GIT1: variants seen among roughly 807,000 people sequenced by gnomAD.
The protein encoded by GIT1 is ARF GTPase-activating protein GIT1.
In GIT1, 14 loss-of-function variants were observed where a neutral mutation model predicts 91.7. The ratio of observed to expected loss-of-function variants is 0.15; its 90% CI spans 0.10 to 0.24. The LOEUF is 0.24. GIT1 is among the 10% of genes least tolerant of loss of function. GIT1 has a pLI of 1.00. For missense variants in GIT1, 717 were observed against 1,024.9 expected, an observed-to-expected ratio of 0.70 and a Z score of 4.10; for synonymous variants, 414 against 418.2, an observed-to-expected ratio of 0.99 and a Z score of 0.12.
At chr17:29,578,264 T>C in intron 9 of GIT1, 35 bp downstream of exon 9, 3 of 1,563,220 alleles carry the variant, frequency 1.9e-6, no homozygotes, top group Non-Finnish European at 2.6e-6. Context: ...GCCGCTCGGG[T>C]CCTCCACGCC....
rs771739398 is a variant in GIT1 at position 29,575,736 on chromosome 17, G to A, written c.1753-33C>T. ...GCGGAGGGAAGGGGCTGTGAGCGCC[G>A]TGTTCCTGGACCCACACTGCCCCTA... On this transcript the variant is annotated intron_variant, in intron 16 of 19. Coordinates refer to ENST00000225394, the MANE Select transcript of GIT1 (RefSeq NM_014030.4). The surrounding 1 kb of genome is among the most constrained non-coding windows in gnomAD (Gnocchi z 5.5). 9.9e-6 allele frequency: 16 copies of A among 1,610,380 alleles called. No homozygotes were observed. The highest frequency in any genetic ancestry group is 6.7e-5 in the Admixed American group (4 of 59,990).
chr17:29,585,452 C>A (rs146705997), intron 1 of GIT1, among the ~76,000 whole-genome samples: 1,686 of 152,288 alleles, frequency 0.011, 18 homozygotes, highest in Non-Finnish European at 0.015. Context: ...GGCTCCAGAG[C>A]CCTAAGCCAT....
intron 7 of GIT1, 36 bp from the exon 8 acceptor site, chr17:29,578,815 G>C: frequency 6.2e-7 from 1 of 1,602,636 alleles, no homozygotes; most frequent in Non-Finnish European, 8.6e-7. Flanking sequence ...GGGAGGAGAG[G>C]AGAGACCTGA....
chr17:29,582,434 G>T (rs2033432976), intron 4 of GIT1, among the ~76,000 whole-genome samples: 1 of 152,242 alleles, frequency 6.6e-6, no homozygotes, highest in African/African-American at 2.4e-5. Context: ...GAGGCTATGA[G>T]TGGCTAAGCA....
chr17:29,574,575 G>T lies in GIT1; in HGVS notation c.*127C>A. On this transcript the variant is annotated 3_prime_UTR_variant, in exon 20 of 20. Transcript: ENST00000225394. ...TGGGCACCAGGGCACCTGGCTGCCA[G>T]GGAGTGTGGCAGCACTAAGGGCACT... 1.2e-6 allele frequency: 1 copy of T among 841,428 alleles called. No homozygotes were observed. The highest frequency in any genetic ancestry group is 2.0e-6 in the Non-Finnish European group (1 of 502,800). The allele number at this position is 841,428 out of a possible 1,614,324, so 52.1% of individuals were successfully genotyped here. A position where few individuals can be genotyped will look rare whatever the true frequency, so the allele number is the denominator to read the frequency against.
Position 29,581,486 on chromosome 17 carries a change from G to C in GIT1, c.719-106C>G, listed in dbSNP as rs1285632074. 2 of 938,892 alleles carry C rather than the reference G, an allele frequency of 2.1e-6. No homozygotes were observed. The highest frequency in any genetic ancestry group is 3.5e-6 in the Non-Finnish European group (2 of 577,142). The allele number at this position is 938,892 out of a possible 1,614,324, so 58.2% of individuals were successfully genotyped here. A position where few individuals can be genotyped will look rare whatever the true frequency, so the allele number is the denominator to read the frequency against. ...CAGGGCTGGCACCCAGAAGTGTCAG[G>C]GGAAAGTGGGGAGGGCAGGCCACCC... On this transcript the variant is annotated intron_variant, in intron 6 of 19. Coordinates refer to ENST00000225394, the MANE Select transcript of GIT1 (RefSeq NM_014030.4). This position sits in a 1 kb window ranked among gnomAD's most constrained non-coding sequence, Gnocchi z 4.8.
chr17:29,581,760 G>A lies in GIT1; in HGVS notation c.700C>T (p.Leu234Phe). Residue 234 changes from leucine to phenylalanine, a missense_variant, in exon 6 of 20, where the codon CTC (leucine) becomes TTC (phenylalanine). Physicochemically the swap from Leu to Phe is conservative, Grantham distance 22 (BLOSUM62 0). Coordinates refer to ENST00000225394, the MANE Select transcript of GIT1 (RefSeq NM_014030.4). The surrounding 1 kb of genome is among the most constrained non-coding windows in gnomAD (Gnocchi z 4.8). ...TGCTCACCCGGCTTGCGTCCACAGA[G>A]GTAGAAGGCCAGCCGGTCAGTGAGC... is the stretch of plus-strand genomic sequence containing the variant. ...YELTDRLAFY[L>F]CGRKPDHKNG... The A allele has an allele frequency of 1.2e-6, 2 of 1,611,068 alleles. No individual in the cohort carries two copies. Among genetic ancestry groups the A allele is most frequent in the Non-Finnish European group, 1.7e-6 (2 of 1,179,750 alleles).
intron 12 of GIT1, 77 bp from the exon 13 acceptor site, chr17:29,576,751 A>G (rs1474293168): frequency 1.9e-6 from 3 of 1,592,482 alleles, no homozygotes; most frequent in African/African-American, 2.7e-5. Context: ...TATTGAGGCT[A>G]GGAGCAGCCC....
Position 29,574,827 on chromosome 17 carries a change from G to C in GIT1, c.2161C>G (p.Pro721Ala). The change falls in exon 20 of 20, where the codon CCC becomes GCC. Residue 721 changes from proline to alanine, a missense_variant. Physicochemically the swap from Pro to Ala is conservative, Grantham distance 27 (BLOSUM62 -1). This residue lies in a region of GIT1 where 134 missense variants were observed against 223.8 expected (regional missense o/e 0.60). Coordinates refer to ENST00000225394, the MANE Select transcript of GIT1 (RefSeq NM_014030.4). ...RLQSECRKTV[P>A]PEPGAPVDFQ... is the part of the protein sequence containing the mutation. ...TCCACTGGGGCGCCGGGCTCTGGGG[G>C]CACTGTCTTCCGGCACTCACTCTGC... 6.2e-7 allele frequency: 1 copy of C among 1,609,338 alleles called. No homozygotes were observed. The highest frequency in any genetic ancestry group is 8.5e-7 in the Non-Finnish European group (1 of 1,179,294).
chr17:29,577,228 C>T lies in GIT1; in HGVS notation c.1001G>A (p.Arg334His), dbSNP rs753010418. 3 of 1,613,804 alleles carry T rather than the reference C, an allele frequency of 1.9e-6. No homozygotes were observed. The highest frequency in any genetic ancestry group is 2.2e-5 in the East Asian group (1 of 44,882). Residue 334 changes from arginine to histidine, a missense_variant, in exon 11 of 20, where the codon CGC (arginine) becomes CAC (histidine). Arg to His is a conservative substitution (Grantham distance 29). Coordinates refer to ENST00000225394, the MANE Select transcript of GIT1 (RefSeq NM_014030.4). ...TRNQGRQKLA[R>H]FNAREFATLI... ...GGTGGCAAACTCTCGGGCATTAAAGCGGGCCAGCTTTTGTCGCCCCTGCAA... is the reference window on the plus strand; with the variant it reads ...GGTGGCAAACTCTCGGGCATTAAAGTGGGCCAGCTTTTGTCGCCCCTGCAA...
Position 29,576,592 on chromosome 17 carries a change from T to G in GIT1, c.1310A>C (p.Glu437Ala). The part of the protein sequence containing the change: ...LELKKALATS[E>A]AKVQQLMKVN... ...CTTCATGAGCTGCTGCACCTTTGCC[T>G]CCGATGTAGCCAGGGCCTTCTTCAG... Residue 437 changes from glutamate to alanine, a missense_variant, in exon 13 of 20, where the codon GAG (glutamate) becomes GCG (alanine). By Grantham distance (107) the Glu-to-Ala change is moderately radical. Around this residue, in one of 3 missense-constraint regions of GIT1, gnomAD observed 312 missense variants for 349.5 expected, o/e 0.89. Coordinates refer to ENST00000225394, the MANE Select transcript of GIT1 (RefSeq NM_014030.4). 6.2e-7 allele frequency: 1 copy of G among 1,614,070 alleles called. No homozygotes were observed. Among genetic ancestry groups the G allele is most frequent in the South Asian group, 1.1e-5 (1 of 91,088 alleles).
chr17:29,579,022 A>G, intron 7 of GIT1: 1 of 1,610,454 alleles, frequency 6.2e-7, no homozygotes, highest in Non-Finnish European at 8.5e-7. Flanking sequence ...AGGGAAGAAC[A>G]GGACAGAGGC....
Position 29,575,943 on chromosome 17 carries a change from C to A in GIT1, c.1666-45G>T, listed in dbSNP as rs1373407255. 1.3e-6 allele frequency: 2 copies of A among 1,544,000 alleles called. No individual in the cohort carries two copies. Among genetic ancestry groups the A allele is most frequent in the Admixed American group, 3.5e-5 (2 of 57,540 alleles). ...TGGATGGAGTCAGTGTGCCCCACTG[C>A]CCCCCTGCTCACCAGCAGTGCAGCA... On this transcript the variant is annotated intron_variant, in intron 15 of 19. Coordinates refer to ENST00000225394, the MANE Select transcript of GIT1 (RefSeq NM_014030.4). The surrounding 1 kb of genome is among the most constrained non-coding windows in gnomAD (Gnocchi z 5.5).
intron 10 of GIT1, 103 bp from the exon 11 acceptor site, chr17:29,577,350 C>T (rs1036664956): frequency 1.6e-5 from 15 of 924,452 alleles, no homozygotes; most frequent in Non-Finnish European, 2.1e-5. Flanking sequence ...TTTAATTTAA[C>T]CCCAGCTAAA....
At chr17:29,579,918 G>A (rs935396709) in intron 7 of GIT1, among the ~76,000 whole-genome samples, 11 of 152,100 alleles carry the variant, frequency 7.2e-5, no homozygotes, top group East Asian at 1.9e-4. Flanking sequence ...CCGCTCTCGG[G>A]ATGGTCACTG....
At position 29,575,784 on chromosome 17, in the gene GIT1, C is replaced by G. The variant is rs758201784; in HGVS notation, c.1752+28G>C. 1 of 1,610,286 alleles carries G rather than the reference C, an allele frequency of 6.2e-7. No homozygotes were observed. The highest frequency in any genetic ancestry group is 8.5e-7 in the Non-Finnish European group (1 of 1,176,890). ...CTAGCCCACACGGCCCCCAGCCACC[C>G]TGTGGGCACTGGGCATGGAAACATT... On this transcript the variant is annotated intron_variant, in intron 16 of 19. Coordinates refer to ENST00000225394, the MANE Select transcript of GIT1 (RefSeq NM_014030.4). The surrounding 1 kb of genome is among the most constrained non-coding windows in gnomAD (Gnocchi z 5.5).
In GIT1 at chr17:29,581,125, CG is replaced by C; in HGVS notation, c.761+212del. The C allele has an allele frequency of 1.7e-6, 1 of 591,530 alleles. No individual in the cohort carries two copies. Among genetic ancestry groups the C allele is most frequent in the East Asian group, 2.8e-5 (1 of 35,636 alleles). 36.6% of individuals were successfully genotyped at this position (591,530 alleles called of 1,614,324 possible). A position where few individuals can be genotyped will look rare whatever the true frequency, so the allele number is the denominator to read the frequency against. On this transcript the variant is annotated intron_variant, in intron 7 of 19. Transcript: ENST00000225394. This position sits in a 1 kb window ranked among gnomAD's most constrained non-coding sequence, Gnocchi z 4.8. ...AAGCCCTCCATGTACTTGACAGTCACGGGGCTCAGGCTATGCGGGCCACATA... is the reference window on the plus strand; with the variant it reads ...AAGCCCTCCATGTACTTGACAGTCACGGGCTCAGGCTATGCGGGCCACATA...
At position 29,583,469 on chromosome 17, in the gene GIT1, A is replaced by C. The variant is rs1380346463; in HGVS notation, c.186+14T>G. 5 of 1,610,488 alleles carry C rather than the reference A, an allele frequency of 3.1e-6. No homozygotes were observed. The African/African-American group carries it at 6.7e-5, about 22-fold the overall frequency. ...CCTGAGGGGAAGGAAGAACCACCCG[A>C]CTGAGCCCTGTACCTGCAGCAGCGT... is the stretch of plus-strand genomic sequence containing the variant. On this transcript the variant is annotated intron_variant, in intron 2 of 19. Coordinates refer to ENST00000225394, the MANE Select transcript of GIT1 (RefSeq NM_014030.4).
rs2033084718 is a variant in GIT1, at chr17:29,573,968, T to A, written c.*734A>T. 1 of 152,498 alleles carries A rather than the reference T, an allele frequency of 6.6e-6. No homozygotes were observed. The highest frequency in any genetic ancestry group is 1.5e-5 in the Non-Finnish European group (1 of 68,114). 9.4% of individuals were successfully genotyped at this position (152,498 alleles called of 1,614,324 possible). ...CTGGCTCCAGGTGGGGAAGGGAAGC[T>A]GATCCCCATGCTGGTCCCACTGCTC... On this transcript the variant is annotated 3_prime_UTR_variant, in exon 20 of 20. Transcript: ENST00000225394.
Sources: allele counts gnomAD v4.1 joint callset (sites outside exome capture counted in the v4.1 genomes callset), GRCh38; gene constraint gnomAD v4.1.1; regional missense constraint gnomAD v4.1.1; non-coding constraint Gnocchi (gnomAD v3.1); transcripts MANE v1.5; gene names NCBI Gene and HGNC (gene_info 2026-07-23, HGNC 2026-07-21).